The following ACOX2 variants were observed in gnomAD, a reference collection of about 807,000 sequenced individuals.
The protein encoded by ACOX2 is acyl-CoA oxidase 2, also known as peroxisomal acyl-coenzyme A oxidase 2.
In ACOX2, 59 loss-of-function variants were observed where a neutral mutation model predicts 77.5. The ratio of observed to expected loss-of-function variants is 0.76; its 90% CI spans 0.62 to 0.95. ACOX2 has a LOEUF of 0.95. Ranked by LOEUF, ACOX2 falls within the 40% of genes least tolerant of loss-of-function variation. The pLI is 0.00. For missense variants in ACOX2, 837 were observed against 880.4 expected, an observed-to-expected ratio of 0.95 and a Z score of 0.62; for synonymous variants, 317 against 340.1, an observed-to-expected ratio of 0.93 and a Z score of 0.75.
Position 58,535,240 on chromosome 3 carries a change from G to A in ACOX2, c.-91-43C>T. On this transcript the variant is annotated intron_variant, in intron 1 of 14. Coordinates refer to ENST00000302819, the MANE Select transcript of ACOX2 (RefSeq NM_003500.4). This position sits in a 1 kb window ranked among gnomAD's most constrained non-coding sequence, Gnocchi z 4.8. Reference sequence around the variant, plus strand: ...TGCCTAGGGCTGGGTGTCAGCCAGGGCTGGTTGGTAGAAGAAAGACATCCC... The same window carrying A: ...TGCCTAGGGCTGGGTGTCAGCCAGGACTGGTTGGTAGAAGAAAGACATCCC... 1 of 1,155,418 alleles carries A rather than the reference G, an allele frequency of 8.7e-7. No individual in the cohort carries two copies. The highest frequency in any genetic ancestry group is 1.5e-5 in the African/African-American group (1 of 65,968). 71.6% of individuals were successfully genotyped at this position (1,155,418 alleles called of 1,614,324 possible).
chr3:58,519,679 T>C lies in ACOX2; in HGVS notation c.1633-2256A>G, dbSNP rs2063345518. Among the ~76,000 whole-genome samples the C allele has an allele frequency of 6.6e-6, 1 of 152,184 alleles. No homozygotes were observed. The highest frequency in any genetic ancestry group is 1.5e-5 in the Non-Finnish European group (1 of 68,026). On this transcript the variant is annotated intron_variant, in intron 12 of 14. Transcript: ENST00000302819. The surrounding 1 kb of genome is among the most constrained non-coding windows in gnomAD (Gnocchi z 5.0). ...CAGCTGGGCAGTGACCCGATCCGCT[T>C]TCTCACTTGGAAAGAACTTGTGTTT...
At position 58,533,812 on chromosome 3, in the gene ACOX2, T is replaced by A; in HGVS notation, c.475+182A>T. 1.3e-6 allele frequency: 1 copy of A among 791,128 alleles called. No homozygotes were observed. Among genetic ancestry groups the A allele is most frequent in the Non-Finnish European group, 2.0e-6 (1 of 507,372 alleles). 49.0% of individuals were successfully genotyped at this position (791,128 alleles called of 1,614,324 possible). A position where few individuals can be genotyped will look rare whatever the true frequency, so the allele number is the denominator to read the frequency against. On this transcript the variant is annotated intron_variant, in intron 4 of 14. Coordinates refer to ENST00000302819, the MANE Select transcript of ACOX2 (RefSeq NM_003500.4). The surrounding 1 kb of genome is among the most constrained non-coding windows in gnomAD (Gnocchi z 5.6). ...CTTGCCCCACTGGGAGCTCATACAA[T>A]ACGTGCAAATTAGAAGGTGGCACCC...
Position 58,519,413 on chromosome 3 carries a change from A to G in ACOX2, c.1633-1990T>C, listed in dbSNP as rs559997521. ...AAAAAAAGAGTGCCTTGGGGGTTCA[A>G]AGGAGTTCACCCAGGCGGACATGAG... On this transcript the variant is annotated intron_variant, in intron 12 of 14. Coordinates refer to ENST00000302819, the MANE Select transcript of ACOX2 (RefSeq NM_003500.4). The surrounding 1 kb of genome is among the most constrained non-coding windows in gnomAD (Gnocchi z 5.0). Among the ~76,000 whole-genome samples the G allele has an allele frequency of 3.6e-4, 55 of 152,254 alleles. No homozygotes were observed. The highest frequency in any genetic ancestry group is 6.8e-4 in the Non-Finnish European group (46 of 68,018).
chr3:58,525,913 A>G lies in ACOX2; in HGVS notation c.1346+553T>C, dbSNP rs1255870813. 6.6e-6 allele frequency among the ~76,000 whole-genome samples: 1 copy of G among 152,084 alleles called. No homozygotes were observed. The highest frequency in any genetic ancestry group is 1.5e-5 in the Non-Finnish European group (1 of 68,010). ...TGGTGTGTAATCCCAGCTACTGCGG[A>G]GGCTAAGGCAGGAGAATTGCTTGAA... is the stretch of plus-strand genomic sequence containing the variant. On this transcript the variant is annotated intron_variant, in intron 10 of 14. Transcript: ENST00000302819. This position sits in a 1 kb window ranked among gnomAD's most constrained non-coding sequence, Gnocchi z 5.0.
At chr3:58,510,697 TATATATATATATACACACACAC>T (rs1560209831) in intron 13 of ACOX2, among the ~76,000 whole-genome samples, 4 of 6,904 alleles carry the variant, frequency 5.8e-4, no homozygotes, top group African/African-American at 1.0e-3. Context: ...TATATATATA[TATATATATATATACACACACAC>T]ACACACACAC....
At chr3:58,530,707 C>T in intron 7 of ACOX2, 69 bp from the exon 8 acceptor site, 2 of 1,504,986 alleles carry the variant, frequency 1.3e-6, no homozygotes, top group African/African-American at 1.4e-5. Flanking sequence ...TTCTCCAGAG[C>T]TGTGGGGCTC....
chr3:58,536,523 G>T (rs1372270800), intron 1 of ACOX2, among the ~76,000 whole-genome samples: 1 of 152,164 alleles, frequency 6.6e-6, no homozygotes, highest in Non-Finnish European at 1.5e-5. Flanking sequence ...GGGCTGTGGG[G>T]GTGCTGGCAA....
At position 58,533,992 on chromosome 3, in the gene ACOX2, AC is replaced by A; in HGVS notation, c.475+1del. The A allele has an allele frequency of 6.2e-7, 1 of 1,614,094 alleles. No individual in the cohort carries two copies. Among genetic ancestry groups the A allele is most frequent in the Non-Finnish European group, 8.5e-7 (1 of 1,179,986 alleles). On this transcript the variant is annotated splice_donor_variant, in intron 4 of 14. Transcript: ENST00000302819. LOFTEE classifies it high-confidence loss of function. The surrounding 1 kb of genome is among the most constrained non-coding windows in gnomAD (Gnocchi z 5.6). ...ACACCACACGCAGCAGTCCTAGCTCACCATGTCCCAACTCTGTCTGTGCATA... is the reference window on the plus strand; with the variant it reads ...ACACCACACGCAGCAGTCCTAGCTCACATGTCCCAACTCTGTCTGTGCATA...
At position 58,535,002 on chromosome 3, in the gene ACOX2, CCGTT is replaced by C; in HGVS notation, c.101_104del (p.Glu34GlyfsTer37). The stretch of plus-strand genomic sequence containing the variant: ...CACCTCCATCAAGGATGTTGGTGAG[CCGTT>C]CCACGTCAAAGGACTGCATATACCT... On this transcript the variant is annotated frameshift_variant, in exon 2 of 15. Coordinates refer to ENST00000302819, the MANE Select transcript of ACOX2 (RefSeq NM_003500.4). LOFTEE classifies it high-confidence loss of function. The surrounding 1 kb of genome is among the most constrained non-coding windows in gnomAD (Gnocchi z 4.8). 2 of 1,614,202 alleles carry C rather than the reference CCGTT, an allele frequency of 1.2e-6. No individual in the cohort carries two copies. The highest frequency in any genetic ancestry group is 1.7e-6 in the Non-Finnish European group (2 of 1,180,032).
At chr3:58,527,377 A>G (rs1032877120) in intron 9 of ACOX2, among the ~76,000 whole-genome samples, 2 of 151,966 alleles carry the variant, frequency 1.3e-5, no homozygotes, top group African/African-American at 4.8e-5. Flanking sequence ...CTCTACTAAA[A>G]ATACAAAAAT....
At position 58,529,443 on chromosome 3, in the gene ACOX2, C is replaced by T. The variant is rs78194701; in HGVS notation, c.993-487G>A. 8.5e-5 allele frequency among the ~76,000 whole-genome samples: 13 copies of T among 152,292 alleles called. No homozygotes were observed. The East Asian group carries it at 1.4e-3, about 16-fold the overall frequency. On this transcript the variant is annotated intron_variant, in intron 8 of 14. Transcript: ENST00000302819. ...AGGAAGGGACTGTGTCTGCCTTATC[C>T]GCTGCTATGTCCTCAGTGCCCAAGG...
chr3:58,511,226 A>G (rs915072090), intron 13 of ACOX2: 2 of 319,556 alleles, frequency 6.3e-6, no homozygotes, highest in Admixed American at 4.6e-5. Context: ...TTCTCCAACA[A>G]CATCAAAATT....
rs1265955976 is a variant in ACOX2 at position 58,515,226 on chromosome 3, G to A, written c.1850+1980C>T. Among the ~76,000 whole-genome samples, 1 of 152,098 alleles carries A rather than the reference G, an allele frequency of 6.6e-6. No homozygotes were observed. Among genetic ancestry groups the A allele is most frequent in the Non-Finnish European group, 1.5e-5 (1 of 68,032 alleles). On this transcript the variant is annotated intron_variant, in intron 13 of 14. Transcript: ENST00000302819. The surrounding 1 kb of genome is among the most constrained non-coding windows in gnomAD (Gnocchi z 4.0). ...AGTAGAGACCGGGTTTCACCATGTT[G>A]GCCAGGCTGGCCTCGAACTCCTGAC...
chr3:58,509,071 T>C (rs769727346), intron 13 of ACOX2, 46 bp from the exon 14 acceptor site: 2 of 1,595,550 alleles, frequency 1.3e-6, no homozygotes, highest in East Asian at 2.2e-5. Context: ...ATTGCTCTTA[T>C]GAATCAAACT....
At position 58,531,561 on chromosome 3, in the gene ACOX2, T is replaced by C. The variant is rs1560220367; in HGVS notation, c.703+132A>G. ...ACCTAGCCAGTTAGCACCAAGTCTG[T>C]CCAACTGGACCGCTCCCTGCCCAAG... On this transcript the variant is annotated intron_variant, in intron 6 of 14. Coordinates refer to ENST00000302819, the MANE Select transcript of ACOX2 (RefSeq NM_003500.4). This position sits in a 1 kb window ranked among gnomAD's most constrained non-coding sequence, Gnocchi z 5.8. The C allele has an allele frequency of 2.1e-6, 3 of 1,423,282 alleles. No individual in the cohort carries two copies. The highest frequency in any genetic ancestry group is 2.9e-6 in the Non-Finnish European group (3 of 1,047,510). The allele number at this position is 1,423,282 out of a possible 1,614,324, so 88.2% of individuals were successfully genotyped here. A position where few individuals can be genotyped will look rare whatever the true frequency, so the allele number is the denominator to read the frequency against.
intron 12 of ACOX2, among the ~76,000 whole-genome samples, chr3:58,520,043 G>A (rs2063348272): frequency 6.6e-6 from 1 of 152,236 alleles, no homozygotes; most frequent in African/African-American, 2.4e-5. Context: ...TTGGGGAAGG[G>A]CTGAGCTGAA....
rs1486003549 is a variant in ACOX2, at chr3:58,526,470, C to T, written c.1342G>A (p.Ala448Thr). ...GENTVLYLQV[A>T]RFLVKSYLQT... ...CTGGGTCAGCCTGGACCTTACCTGG[C>T]CACCTGCAGGTAGAGCACTGTGTTC... The change falls in exon 10 of 15, where the codon GCC becomes ACC. Residue 448 changes from alanine to threonine, a missense_variant. Coordinates refer to ENST00000302819, the MANE Select transcript of ACOX2 (RefSeq NM_003500.4). The surrounding 1 kb of genome is among the most constrained non-coding windows in gnomAD (Gnocchi z 4.3). The T allele has an allele frequency of 2.5e-6, 4 of 1,611,162 alleles. No homozygotes were observed. The highest frequency in any genetic ancestry group is 3.4e-6 in the Non-Finnish European group (4 of 1,178,496).
chr3:58,508,930 A>G lies in ACOX2; in HGVS notation c.1946T>C (p.Leu649Pro). Residue 649 changes from leucine (L) to proline (P), a missense_variant, in exon 14 of 15, where the codon CTG (leucine) becomes CCG (proline). Coordinates refer to ENST00000302819, the MANE Select transcript of ACOX2 (RefSeq NM_003500.4). ...GCYDGNVYER[L>P]FQWAQKSPTN... is the part of the protein sequence containing the mutation. ...TGGTGACTTCTGAGCCCACTGGAAC[A>G]GGCGTTCGTAGACGTTTCCATCATA... The G allele has an allele frequency of 6.2e-7, 1 of 1,614,238 alleles. No homozygotes were observed. The highest frequency in any genetic ancestry group is 8.5e-7 in the Non-Finnish European group (1 of 1,180,030).
intron 9 of ACOX2, among the ~76,000 whole-genome samples, chr3:58,527,589 A>G (rs2063405722): frequency 1.3e-5 from 2 of 151,214 alleles, no homozygotes; most frequent in South Asian, 2.1e-4. Context: ...AGGACACAGC[A>G]AAAAGCCGTT....
Sources: allele counts gnomAD v4.1 joint callset (sites outside exome capture counted in the v4.1 genomes callset), GRCh38; gene constraint gnomAD v4.1.1; non-coding constraint Gnocchi (gnomAD v3.1); transcripts MANE v1.5; gene names NCBI Gene and HGNC (gene_info 2026-07-23, HGNC 2026-07-21).